The following SLCO6A1 variants were observed in gnomAD, a reference collection of about 807,000 sequenced individuals.
SLCO6A1 encodes cancer/testis antigen 48.
Under a neutral mutation model 72.7 loss-of-function variants are expected in SLCO6A1, and 65 were observed. The ratio of observed to expected loss-of-function variants is 0.89; its 90% CI spans 0.73 to 1.10. The LOEUF (loss-of-function observed/expected upper bound fraction) is 1.10. Among genes scored for constraint, SLCO6A1 ranks in the 50% least tolerant of loss-of-function variants. The pLI is 0.00. For missense variants in SLCO6A1, 874 were observed against 872.6 expected, an observed-to-expected ratio of 1.00 and a Z score of -0.02; for synonymous variants, 314 against 298.2, an observed-to-expected ratio of 1.05 and a Z score of -0.55.
At position 102,419,969 on chromosome 5, in the gene SLCO6A1, A is replaced by C; in HGVS notation, c.1329T>G (p.Ile443Met). The change falls in exon 8 of 14, where the codon ATT becomes ATG. Residue 443 changes from isoleucine to methionine, a missense_variant. Ile to Met is a conservative substitution (Grantham distance 10). Transcript: ENST00000506729. ...TACAAGACATTTCTAATGTGGAAACAATGACACCTCCCAGAAGCTGGCCAA... is the reference window on the plus strand; with the variant it reads ...TACAAGACATTTCTAATGTGGAAACCATGACACCTCCCAGAAGCTGGCCAA... ...GALGQLLGGV[I>M]VSTLEMSCKA... 6.2e-7 allele frequency: 1 copy of C among 1,600,012 alleles called. No individual in the cohort carries two copies. Among genetic ancestry groups the C allele is most frequent in the Non-Finnish European group, 8.5e-7 (1 of 1,176,116 alleles).
intron 1 of SLCO6A1, among the ~76,000 whole-genome samples, chr5:102,483,426 A>T (rs1028512459): frequency 1.3e-5 from 2 of 152,188 alleles, no homozygotes; most frequent in African/African-American, 4.8e-5. Flanking sequence ...CTCACCAAAA[A>T]GTGTGCCTCT....
rs777692815 is a variant in SLCO6A1 at position 102,438,777 on chromosome 5, G to C, written c.1132-16C>G. On this transcript the variant is annotated splice_polypyrimidine_tract_variant and intron_variant, in intron 6 of 13. Transcript: ENST00000506729. ...TCATCAGAATCTGAAATAAAAATAA[G>C]TTATATATCTATTATTTTATTTTGT... The C allele has an allele frequency of 3.4e-6, 5 of 1,488,670 alleles. No homozygotes were observed. The Admixed American group carries it at 1.2e-4, about 36-fold the overall frequency. 92.2% of individuals were successfully genotyped at this position (1,488,670 alleles called of 1,614,324 possible). A position where few individuals can be genotyped will look rare whatever the true frequency, so the allele number is the denominator to read the frequency against.
intron 12 of SLCO6A1, among the ~76,000 whole-genome samples, chr5:102,380,981 T>C (rs887130263): frequency 6.6e-6 from 1 of 151,928 alleles, no homozygotes; most frequent in African/African-American, 2.4e-5. Flanking sequence ...AAAAAGGGTA[T>C]ATATTTATAG....
intron 10 of SLCO6A1, among the ~76,000 whole-genome samples, chr5:102,393,392 G>A (rs1031512584): frequency 3.9e-5 from 6 of 152,060 alleles, no homozygotes; most frequent in Non-Finnish European, 4.4e-5. Context: ...ATTACATTCT[G>A]TAATATGACA....
intron 4 of SLCO6A1, among the ~76,000 whole-genome samples, chr5:102,469,951 G>A (rs1345619634): frequency 6.6e-6 from 1 of 152,024 alleles, no homozygotes; most frequent in Non-Finnish European, 1.5e-5. Context: ...GTTTATGTGA[G>A]TGGATTATGT....
chr5:102,492,499 G>C (rs1298945021), intron 1 of SLCO6A1, among the ~76,000 whole-genome samples: 1 of 152,136 alleles, frequency 6.6e-6, no homozygotes, highest in Non-Finnish European at 1.5e-5. Context: ...TTCCAACTGA[G>C]GTACCGGGTT....
intron 12 of SLCO6A1, among the ~76,000 whole-genome samples, chr5:102,385,836 T>C (rs1287505194): frequency 6.6e-6 from 1 of 150,606 alleles, no homozygotes; most frequent in Non-Finnish European, 1.5e-5. Flanking sequence ...CTTTTTTTTT[T>C]TTTTTTTTTA....
intron 7 of SLCO6A1, among the ~76,000 whole-genome samples, chr5:102,437,797 A>T (rs1749625154): frequency 6.6e-6 from 1 of 152,034 alleles, no homozygotes; most frequent in Non-Finnish European, 1.5e-5. Context: ...GTTTCCTATT[A>T]ATATAGTCTC....
Position 102,373,340 on chromosome 5 carries a change from A to G in SLCO6A1, c.*12T>C, listed in dbSNP as rs976327169. 4.5e-6 allele frequency: 7 copies of G among 1,542,156 alleles called. No homozygotes were observed. The highest frequency in any genetic ancestry group is 6.1e-6 in the Non-Finnish European group (7 of 1,149,998). On this transcript the variant is annotated 3_prime_UTR_variant, in exon 13 of 14. Coordinates refer to ENST00000506729, the MANE Select transcript of SLCO6A1 (RefSeq NM_173488.5). Reference sequence around the variant, plus strand: ...ATTGACAATGTGTAATTCTTACACAATGATGATCCAGTTACAAGTCAGTTT... The same window carrying G: ...ATTGACAATGTGTAATTCTTACACAGTGATGATCCAGTTACAAGTCAGTTT...
intron 9 of SLCO6A1, among the ~76,000 whole-genome samples, chr5:102,408,033 C>T (rs1368932878): frequency 6.6e-6 from 1 of 152,060 alleles, no homozygotes; most frequent in Non-Finnish European, 1.5e-5. Context: ...CAATAATCCC[C>T]CCTTATCCAT....
chr5:102,473,587 G>A (rs917878777), intron 4 of SLCO6A1, among the ~76,000 whole-genome samples: 4 of 151,838 alleles, frequency 2.6e-5, no homozygotes, highest in South Asian at 4.1e-4. Flanking sequence ...CACCATGTTC[G>A]ACATAGTACT....
chr5:102,487,470 A>C (rs1456640219), intron 1 of SLCO6A1, among the ~76,000 whole-genome samples: 2 of 152,238 alleles, frequency 1.3e-5, no homozygotes, highest in Non-Finnish European at 2.9e-5. Context: ...ACCGTAGTAC[A>C]AAGTGTGCTT....
chr5:102,442,687 T>C (rs1279742479), intron 6 of SLCO6A1, among the ~76,000 whole-genome samples: 2 of 152,202 alleles, frequency 1.3e-5, no homozygotes, highest in Non-Finnish European at 2.9e-5. Context: ...ATTCCACTGA[T>C]GCAATTTATC....
intron 12 of SLCO6A1, among the ~76,000 whole-genome samples, chr5:102,376,668 A>G (rs1745813490): frequency 6.6e-6 from 1 of 152,230 alleles, no homozygotes; most frequent in Non-Finnish European, 1.5e-5. Context: ...GAATAATACA[A>G]AATGAGCTAA....
At chr5:102,423,568 G>C (rs1748725890) in intron 7 of SLCO6A1, among the ~76,000 whole-genome samples, 1 of 151,668 alleles carries the variant, frequency 6.6e-6, no homozygotes, top group Non-Finnish European at 1.5e-5. Flanking sequence ...TGCAACAAGA[G>C]CTAGCTATCT....
At chr5:102,480,506 A>AAATTTAAAATAAACTTATATCATGT in intron 1 of SLCO6A1, 72 bp from the exon 2 acceptor site, 1 of 1,369,298 alleles carries the variant, frequency 7.3e-7, no homozygotes, top group Non-Finnish European at 1.0e-6. Flanking sequence ...TTACAAAGCA[A>AAATTTAAAATAAACTTATATCATGT]AATTTAAATT....
In SLCO6A1 at chr5:102,388,679, A is replaced by T; in HGVS notation, c.2017+9T>A. ...TATTTCTCTAAGTTTTTTAATAAGT[A>T]TCACTTACATATTCCTACCAATAAG... On this transcript the variant is annotated intron_variant, in intron 12 of 13. Coordinates refer to ENST00000506729, the MANE Select transcript of SLCO6A1 (RefSeq NM_173488.5). 2 of 1,531,624 alleles carry T rather than the reference A, an allele frequency of 1.3e-6. No individual in the cohort carries two copies. Among genetic ancestry groups the T allele is most frequent in the Non-Finnish European group, 1.8e-6 (2 of 1,134,710 alleles). The allele number at this position is 1,531,624 out of a possible 1,614,324, so 94.9% of individuals were successfully genotyped here.
intron 6 of SLCO6A1, among the ~76,000 whole-genome samples, chr5:102,450,745 T>C (rs1260501182): frequency 2.7e-5 from 4 of 149,654 alleles, no homozygotes; most frequent in Non-Finnish European, 6.1e-5. Flanking sequence ...CCAATTGGTA[T>C]GATTAGCCCA....
chr5:102,390,444 C>T (rs1746692688), intron 11 of SLCO6A1, among the ~76,000 whole-genome samples: 1 of 152,026 alleles, frequency 6.6e-6, no homozygotes, highest in South Asian at 2.1e-4. Context: ...GTCTTTAATC[C>T]AAGAATTTAG....
Sources: allele counts gnomAD v4.1 joint callset (sites outside exome capture counted in the v4.1 genomes callset), GRCh38; gene constraint gnomAD v4.1.1; transcripts MANE v1.5; gene names NCBI Gene and HGNC (gene_info 2026-07-23, HGNC 2026-07-21).